CAMTA1: variants seen among roughly 807,000 people sequenced by gnomAD.
CAMTA1 encodes calmodulin binding transcription activator 1, also known as calmodulin-binding transcription activator 1.
A neutral mutation model predicts 170.9 loss-of-function variants in CAMTA1; 27 were observed. The observed-to-expected ratio is 0.16, with a 90% CI of 0.12 to 0.22. CAMTA1 has a LOEUF of 0.22. Ranked by LOEUF, CAMTA1 falls within the 10% of genes least tolerant of loss-of-function variation. The pLI is 1.00. For missense variants in CAMTA1, 1,619 were observed against 2,217.2 expected, an observed-to-expected ratio of 0.73 and a Z score of 5.42; for synonymous variants, 833 against 891.5, an observed-to-expected ratio of 0.93 and a Z score of 1.17.
intron 19 of CAMTA1, among the ~76,000 whole-genome samples, chr1:7,749,415 C>G (rs1347924972): frequency 6.6e-6 from 1 of 152,092 alleles, no homozygotes; most frequent in African/African-American, 2.4e-5. Flanking sequence ...AGCTCTATAG[C>G]AGGGAGCCGC....
chr1:6,923,758 CTA>C (rs1265302338), intron 3 of CAMTA1, among the ~76,000 whole-genome samples: 1 of 152,160 alleles, frequency 6.6e-6, no homozygotes, highest in Non-Finnish European at 1.5e-5. Context: ...AGCACCTGTC[CTA>C]TGTCAGGCAC....
chr1:7,166,647 C>T (rs528834925), intron 4 of CAMTA1, among the ~76,000 whole-genome samples: 3 of 152,198 alleles, frequency 2.0e-5, no homozygotes, highest in African/African-American at 7.2e-5. Flanking sequence ...ATTGGATTGT[C>T]TGTCTTTTAG....
intron 3 of CAMTA1, among the ~76,000 whole-genome samples, chr1:7,013,004 T>C (rs1167641284): frequency 6.6e-6 from 1 of 151,788 alleles, no homozygotes; most frequent in African/African-American, 2.4e-5. Flanking sequence ...ATCCTGCTAG[T>C]GTCTTGGGCC....
intron 4 of CAMTA1, among the ~76,000 whole-genome samples, chr1:7,135,654 C>A (rs1645498634): frequency 6.6e-6 from 1 of 152,148 alleles, no homozygotes; most frequent in East Asian, 1.9e-4. Flanking sequence ...GAGCCTCATG[C>A]CTTCAAGCTT....
chr1:6,978,376 G>A (rs1693823951), intron 3 of CAMTA1, among the ~76,000 whole-genome samples: 1 of 152,190 alleles, frequency 6.6e-6, no homozygotes, highest in South Asian at 2.1e-4. Context: ...GCTCACGCCT[G>A]TTATCCCAGC....
intron 5 of CAMTA1, among the ~76,000 whole-genome samples, chr1:7,394,737 T>G (rs2089101706): frequency 6.6e-6 from 1 of 152,078 alleles, no homozygotes; most frequent in Non-Finnish European, 1.5e-5. Flanking sequence ...TTGCCTATGC[T>G]TTTGAGGTAT....
chr1:6,810,004 G>A (rs568781497), intron 1 of CAMTA1, among the ~76,000 whole-genome samples: 2 of 152,306 alleles, frequency 1.3e-5, no homozygotes, highest in South Asian at 2.1e-4. Flanking sequence ...TCCAGTCCAA[G>A]ATGAGAAAAG....
intron 3 of CAMTA1, among the ~76,000 whole-genome samples, chr1:6,969,343 CA>C (rs1481793027): frequency 1.3e-5 from 2 of 152,136 alleles, no homozygotes; most frequent in Admixed American, 6.5e-5. Flanking sequence ...CTAGAAGGGG[CA>C]AGGAACGCTG....
intron 11 of CAMTA1, among the ~76,000 whole-genome samples, chr1:7,686,618 C>CGGGA (rs2096260816): frequency 6.6e-6 from 1 of 152,074 alleles, no homozygotes; most frequent in Non-Finnish European, 1.5e-5. Flanking sequence ...TGGGGAGCCA[C>CGGGA]GGGAGGGGCG....
chr1:7,394,697 T>C (rs1314536429), intron 5 of CAMTA1, among the ~76,000 whole-genome samples: 1 of 152,192 alleles, frequency 6.6e-6, no homozygotes, highest in Non-Finnish European at 1.5e-5. Context: ...TTAAATTTGA[T>C]GTAATCCCAT....
intron 16 of CAMTA1, among the ~76,000 whole-genome samples, chr1:7,742,870 C>T (rs1490218893): frequency 6.6e-6 from 1 of 152,124 alleles, no homozygotes; most frequent in Non-Finnish European, 1.5e-5. Flanking sequence ...GCTATGTCAC[C>T]CAGGCTGGAG....
intron 3 of CAMTA1, among the ~76,000 whole-genome samples, chr1:6,839,241 G>T (rs900822039): frequency 3.3e-5 from 5 of 151,994 alleles, no homozygotes; most frequent in African/African-American, 1.2e-4. Flanking sequence ...AATTAGCTGG[G>T]CATGGTGGCA....
intron 3 of CAMTA1, among the ~76,000 whole-genome samples, chr1:7,013,705 C>A (rs1700146290): frequency 6.6e-6 from 1 of 152,156 alleles, no homozygotes; most frequent in African/African-American, 2.4e-5. Context: ...CACCGCCCCC[C>A]TGGTGTGGAC....
intron 5 of CAMTA1, among the ~76,000 whole-genome samples, chr1:7,330,524 C>T (rs991866184): frequency 3.9e-5 from 6 of 152,198 alleles, no homozygotes; most frequent in African/African-American, 1.4e-4. Context: ...GAACCAGGAG[C>T]ACCCACATGT....
intron 6 of CAMTA1, among the ~76,000 whole-genome samples, chr1:7,480,128 T>C (rs7367513): frequency 0.68 from 99,581 of 146,760 alleles, 34,840 homozygotes; most frequent in African/African-American, 0.89. Flanking sequence ...TGTGTGAGTA[T>C]GTGTGTGTGA....
intron 11 of CAMTA1, among the ~76,000 whole-genome samples, chr1:7,721,265 G>C (rs1404721774): frequency 6.6e-6 from 1 of 152,204 alleles, no homozygotes; most frequent in African/African-American, 2.4e-5. Context: ...CTGGAGTCCA[G>C]TCTGTGTTCA....
In CAMTA1 at chr1:7,649,655, C is replaced by T. The variant is rs191498252; in HGVS notation, c.664+9102C>T. Among the ~76,000 whole-genome samples, 18 of 152,330 alleles carry T rather than the reference C, an allele frequency of 1.2e-4. No individual in the cohort carries two copies. In the East Asian group the frequency reaches 3.1e-3, roughly 26 times the overall value. Reference sequence around the variant, plus strand: ...TCCAGCTAGTTTTATGGAGCCGATCCGGCCCCCAAGGAGGACTGGAAGAGA... The same window carrying T: ...TCCAGCTAGTTTTATGGAGCCGATCTGGCCCCCAAGGAGGACTGGAAGAGA... On this transcript the variant is annotated intron_variant, in intron 7 of 22. Transcript: ENST00000303635.
At position 7,592,528 on chromosome 1, in the gene CAMTA1, TG is replaced by T. The variant is rs1315824712; in HGVS notation, c.511-47867del. ...CCTATTGGAATGGGCCAGCACCCTCTGGGGGTCCTCTGATGACCAGGGCAGG... is the reference window on the plus strand; with the variant it reads ...CCTATTGGAATGGGCCAGCACCCTCTGGGGTCCTCTGATGACCAGGGCAGG... On this transcript the variant is annotated intron_variant, in intron 6 of 22. Transcript: ENST00000303635. The surrounding 1 kb of genome is among the most constrained non-coding windows in gnomAD (Gnocchi z 4.6). 6.6e-6 allele frequency among the ~76,000 whole-genome samples: 1 copy of T among 152,154 alleles called. No individual in the cohort carries two copies. Among genetic ancestry groups the T allele is most frequent in the Non-Finnish European group, 1.5e-5 (1 of 68,022 alleles).
chr1:7,196,366 T>G (rs898442020), intron 4 of CAMTA1, among the ~76,000 whole-genome samples: 34 of 152,212 alleles, frequency 2.2e-4, no homozygotes, highest in Non-Finnish European at 1.3e-4. Context: ...CAGGTTGTTC[T>G]TTATAGCAGT....
Sources: allele counts gnomAD v4.1 joint callset (sites outside exome capture counted in the v4.1 genomes callset), GRCh38; gene constraint gnomAD v4.1.1; non-coding constraint Gnocchi (gnomAD v3.1); transcripts MANE v1.5; gene names NCBI Gene and HGNC (gene_info 2026-07-23, HGNC 2026-07-21).